Variants in ZFP36L1 observed in about 807,000 individuals in gnomAD.
ZFP36L1 encodes mRNA decay activator protein ZFP36L1.
In ZFP36L1, 4 loss-of-function variants were observed where a neutral mutation model predicts 16.7. The observed-to-expected ratio is 0.24, with a 90% confidence interval of 0.12 to 0.55. The LOEUF (loss-of-function observed/expected upper bound fraction) is 0.55. Among genes scored for constraint, ZFP36L1 ranks in the 20% least tolerant of loss-of-function variants. The pLI is 0.94. For synonymous variants in ZFP36L1, 220 were observed against 190.8 expected, an observed-to-expected ratio of 1.15 and a Z score of -1.26; for missense variants, 311 against 449.2, an observed-to-expected ratio of 0.69 and a Z score of 2.78.
Position 68,789,887 on chromosome 14 carries a change from G to A in ZFP36L1, c.663C>T (p.Asp221=), listed in dbSNP as rs758405640. The A allele has an allele frequency of 1.9e-6, 3 of 1,610,398 alleles. No homozygotes were observed. The highest frequency in any genetic ancestry group is 2.5e-6 in the Non-Finnish European group (3 of 1,179,922). Residue 221 remains aspartate, a synonymous_variant, in exon 2 of 2, where the codon GAC becomes GAT. Coordinates refer to ENST00000439696, the MANE Select transcript of ZFP36L1 (RefSeq NM_004926.4). The surrounding 1 kb of genome is among the most constrained non-coding windows in gnomAD (Gnocchi z 4.5). ...AATAAATGLL[D]SPTSITPPPI... ...GGGGTGGGGTGATGGACGTGGGGCT[G>A]TCCAGCAGCCCGGTGGCAGCGGCGG...
intron 1 of ZFP36L1, chr14:68,791,097 T>C: frequency 1.4e-6 from 1 of 699,328 alleles, no homozygotes; most frequent in Middle Eastern, 2.3e-4. Flanking sequence ...TGGTCTGAGG[T>C]TGGGGGAGAC....
chr14:68,794,826 G>C (rs1895205425), upstream of ZFP36L1: 1 of 152,498 alleles, frequency 6.6e-6, no homozygotes, highest in South Asian at 2.1e-4. Flanking sequence ...TTGAGAAACC[G>C]GCTGTTTTTC....
At chr14:68,791,872 C>T (rs1895081135) in intron 1 of ZFP36L1, among the ~76,000 whole-genome samples, 1 of 152,270 alleles carries the variant, frequency 6.6e-6, no homozygotes, top group South Asian at 2.1e-4. Context: ...GCGTTGGCAG[C>T]TGCACCAACA....
rs1219214123 is a variant in ZFP36L1 at position 68,790,382 on chromosome 14, G to A, written c.168C>T (p.Thr56=). 6.2e-7 allele frequency: 1 copy of A among 1,613,630 alleles called. No homozygotes were observed. Among genetic ancestry groups the A allele is most frequent in the African/African-American group, 1.3e-5 (1 of 74,928 alleles). Residue 56 remains threonine, a synonymous_variant, in exon 2 of 2, where the codon ACC becomes ACT. Coordinates refer to ENST00000439696, the MANE Select transcript of ZFP36L1 (RefSeq NM_004926.4). Reference sequence around the variant, plus strand: ...TCTGGTGGAACTTGGAGCTGGGCAGGGTGACTGAGTGCCTCCGAGGGAAGC... The same window carrying A: ...TCTGGTGGAACTTGGAGCTGGGCAGAGTGACTGAGTGCCTCCGAGGGAAGC... ...GGGFPRRHSV[T]LPSSKFHQNQ... is the part of the protein sequence containing the mutation.
At chr14:68,791,108 A>G (rs758469904) in intron 1 of ZFP36L1, 8 of 695,990 alleles carry the variant, frequency 1.1e-5, no homozygotes, top group Admixed American at 2.1e-5. Flanking sequence ...TGGGGGAGAC[A>G]GGGATGTGAT....
chr14:68,792,580 A>T, intron 1 of ZFP36L1, among the ~76,000 whole-genome samples: 1 of 152,038 alleles, frequency 6.6e-6, no homozygotes, highest in Admixed American at 6.5e-5. Flanking sequence ...AGGATCGCCC[A>T]AAACTTGTCC....
At chr14:68,793,964 C>A, upstream of ZFP36L1, 3 of 980,894 alleles carry the variant, frequency 3.1e-6, no homozygotes, top group Non-Finnish European at 3.6e-6. Context: ...CAACCCGGGA[C>A]GATTGTTTGT....
upstream of ZFP36L1, chr14:68,795,684 A>T: frequency 4.2e-6 from 2 of 471,104 alleles, no homozygotes; most frequent in East Asian, 1.1e-4. Context: ...CGACTGGCCT[A>T]GCCCGCTCGC....
At chr14:68,792,781 C>T (rs929318757) in intron 1 of ZFP36L1, 101 bp downstream of exon 1, 35 of 1,492,218 alleles carry the variant, frequency 2.3e-5, no homozygotes, top group Non-Finnish European at 3.0e-5. Context: ...TCTCGCTGCA[C>T]CACTTTCCCC....
intron 1 of ZFP36L1, chr14:68,791,123 G>T (rs929996149): frequency 2.9e-6 from 2 of 692,802 alleles, no homozygotes; most frequent in Non-Finnish European, 5.2e-6. Flanking sequence ...TGTGATTCCT[G>T]AAAATAAAAC....
chr14:68,796,034 G>A, upstream of ZFP36L1: 2 of 1,329,526 alleles, frequency 1.5e-6, no homozygotes, highest in Non-Finnish European at 2.0e-6. Flanking sequence ...CCGCCCTCCC[G>A]CTCCTTACCC....
Position 68,788,337 on chromosome 14 carries a change from T to C in ZFP36L1, c.*1196A>G, listed in dbSNP as rs1894968043. On this transcript the variant is annotated 3_prime_UTR_variant, in exon 2 of 2. Transcript: ENST00000439696. ...TGAACAAAATTAACAAAAAAAAGCA[T>C]AGTTTGGCAATAAATACGTTTTGAT... The C allele has an allele frequency of 6.6e-6, 1 of 152,532 alleles. No individual in the cohort carries two copies. The highest frequency in any genetic ancestry group is 6.5e-5 in the Admixed American group (1 of 15,272). 9.4% of individuals were successfully genotyped at this position (152,532 alleles called of 1,614,324 possible).
intron 1 of ZFP36L1, among the ~76,000 whole-genome samples, chr14:68,791,711 G>C (rs1250603405): frequency 2.0e-5 from 3 of 152,246 alleles, no homozygotes; most frequent in African/African-American, 7.2e-5. Context: ...GTCGAGAAAA[G>C]AAGGAAGAAA....
At chr14:68,793,137 A>G, upstream of ZFP36L1, 1 of 1,307,004 alleles carries the variant, frequency 7.7e-7, no homozygotes, top group Non-Finnish European at 9.8e-7. Context: ...GGAGCTTTAA[A>G]CTTATTTAAA....
intron 1 of ZFP36L1, among the ~76,000 whole-genome samples, chr14:68,792,148 G>C (rs1240861319): frequency 1.3e-5 from 2 of 151,958 alleles, no homozygotes; most frequent in African/African-American, 2.4e-5. Flanking sequence ...CTTACTCGCG[G>C]GACTCTCGAG....
rs1187717346 is a variant in ZFP36L1, at chr14:68,788,927, AGGGGTGGGG to A, written c.*597_*605del. On this transcript the variant is annotated 3_prime_UTR_variant, in exon 2 of 2. Coordinates refer to ENST00000439696, the MANE Select transcript of ZFP36L1 (RefSeq NM_004926.4). ...TCTGGCAACAACTCTTCCAAGGGGCAGGGGTGGGGGGGGTGGGGGGGCGGGTACAGGTGG... is the reference window on the plus strand; with the variant it reads ...TCTGGCAACAACTCTTCCAAGGGGCAGGGGTGGGGGGGCGGGTACAGGTGG... 8.1e-6 allele frequency: 1 copy of A among 123,378 alleles called. No homozygotes were observed. Among genetic ancestry groups the A allele is most frequent in the Non-Finnish European group, 1.7e-5 (1 of 57,644 alleles). 7.6% of individuals were successfully genotyped at this position (123,378 alleles called of 1,614,324 possible). A position where few individuals can be genotyped will look rare whatever the true frequency, so the allele number is the denominator to read the frequency against.
chr14:68,795,139 G>A (rs566916782), upstream of ZFP36L1, among the ~76,000 whole-genome samples: 2 of 152,352 alleles, frequency 1.3e-5, no homozygotes, highest in South Asian at 4.1e-4. Flanking sequence ...TCCCAAGTGG[G>A]TGTTGGGGCG....
chr14:68,788,183 G>A lies in ZFP36L1; in HGVS notation c.*1350C>T, dbSNP rs978984098. On this transcript the variant is annotated 3_prime_UTR_variant, in exon 2 of 2. Transcript: ENST00000439696. The stretch of plus-strand genomic sequence containing the variant: ...AAAGTGTAAAGTTACAAAAAATGTC[G>A]TTGAAGAATAATATATTAAAACTGT... 5 of 151,516 alleles carry A rather than the reference G, an allele frequency of 3.3e-5. No individual in the cohort carries two copies. Among genetic ancestry groups the A allele is most frequent in the African/African-American group, 7.3e-5 (3 of 41,186 alleles). The allele number at this position is 151,516 out of a possible 1,614,324, so 9.4% of individuals were successfully genotyped here. A position where few individuals can be genotyped will look rare whatever the true frequency, so the allele number is the denominator to read the frequency against.
intron 1 of ZFP36L1, among the ~76,000 whole-genome samples, chr14:68,792,349 T>A (rs542137315): frequency 6.6e-6 from 1 of 152,168 alleles, no homozygotes; most frequent in Admixed American, 6.5e-5. Context: ...TGCAAACTTG[T>A]TCTGCAACAT....
Sources: allele counts gnomAD v4.1 joint callset (sites outside exome capture counted in the v4.1 genomes callset), GRCh38; gene constraint gnomAD v4.1.1; non-coding constraint Gnocchi (gnomAD v3.1); transcripts MANE v1.5; gene names NCBI Gene and HGNC (gene_info 2026-07-23, HGNC 2026-07-21).